The following KIRREL1 variants were observed in gnomAD, a reference collection of about 807,000 sequenced individuals.
The protein encoded by KIRREL1 is kin of IRRE-like protein 1.
Under a neutral mutation model 83.3 loss-of-function variants are expected in KIRREL1, and 25 were observed. That is an observed-to-expected ratio of 0.30 (90% CI 0.22 to 0.42). The LOEUF (loss-of-function observed/expected upper bound fraction) is 0.42. KIRREL1 is among the 10% of genes least tolerant of loss of function. The pLI, the probability that KIRREL1 is intolerant of heterozygous loss-of-function variation, is 1.00. For synonymous variants in KIRREL1, 388 were observed against 410.4 expected, an observed-to-expected ratio of 0.95 and a Z score of 0.66; for missense variants, 812 against 1,032.3, an observed-to-expected ratio of 0.79 and a Z score of 2.92.
chr1:158,091,239 T>C, intron 10 of KIRREL1, 119 bp from the exon 11 acceptor site: 1 of 871,300 alleles, frequency 1.1e-6, no homozygotes, highest in South Asian at 1.7e-5. Context: ...AGGCTGGGCT[T>C]GTGGGGCACA....
chr1:158,017,294 C>G (rs1659854776), intron 1 of KIRREL1, among the ~76,000 whole-genome samples: 1 of 152,158 alleles, frequency 6.6e-6, no homozygotes, highest in African/African-American at 2.4e-5. Context: ...CTTTCTAGCC[C>G]TTCTTAGTTT....
intron 1 of KIRREL1, 74 bp downstream of exon 1, chr1:157,993,802 G>A (rs1231213487): frequency 4.0e-6 from 4 of 998,658 alleles, no homozygotes; most frequent in Non-Finnish European, 5.6e-6. Context: ...CGGTGGGAGA[G>A]TGCTGGAGTG....
At chr1:158,063,864 C>A (rs895152506) in intron 1 of KIRREL1, among the ~76,000 whole-genome samples, 4 of 152,168 alleles carry the variant, frequency 2.6e-5, no homozygotes, top group Admixed American at 2.6e-4. Flanking sequence ...TGGCCGCTGT[C>A]GCACTGTATG....
chr1:157,997,129 G>A (rs1659228110), intron 1 of KIRREL1, among the ~76,000 whole-genome samples: 2 of 152,214 alleles, frequency 1.3e-5, no homozygotes, highest in African/African-American at 4.8e-5. Flanking sequence ...GATTTGATGA[G>A]CGCGCTGCAG....
In KIRREL1 at chr1:158,006,832, A is replaced by G. The variant is rs147480478; in HGVS notation, c.52+13104A>G. Among the ~76,000 whole-genome samples, 19 of 152,324 alleles carry G rather than the reference A, an allele frequency of 1.2e-4. 1 individual carries two copies. Among genetic ancestry groups the G allele is most frequent in the African/African-American group, 4.3e-4 (18 of 41,586 alleles). ...TGCTGCTGAAGCCAGCATGTAGGAAAGTGGGCATGGGGGTGATGGCAGAGG... is the reference window on the plus strand; with the variant it reads ...TGCTGCTGAAGCCAGCATGTAGGAAGGTGGGCATGGGGGTGATGGCAGAGG... On this transcript the variant is annotated intron_variant, in intron 1 of 14. Transcript: ENST00000359209.
chr1:158,006,494 G>A (rs1253928874), intron 1 of KIRREL1, among the ~76,000 whole-genome samples: 2 of 152,244 alleles, frequency 1.3e-5, no homozygotes, highest in Non-Finnish European at 2.9e-5. Flanking sequence ...CAAGCCCAGA[G>A]AGGTCATAGG....
intron 1 of KIRREL1, among the ~76,000 whole-genome samples, chr1:158,019,464 A>T (rs1161402273): frequency 1.3e-5 from 2 of 151,998 alleles, no homozygotes; most frequent in African/African-American, 4.8e-5. Flanking sequence ...GGTGATTGAG[A>T]GGGGGAGGTA....
chr1:158,024,406 G>A (rs773895187), intron 1 of KIRREL1, among the ~76,000 whole-genome samples: 3 of 150,434 alleles, frequency 2.0e-5, no homozygotes, highest in African/African-American at 7.4e-5. Flanking sequence ...GACCTCCCTA[G>A]TAGCTGGGAC....
chr1:158,032,611 G>A (rs1214546171), intron 1 of KIRREL1, among the ~76,000 whole-genome samples: 1 of 152,174 alleles, frequency 6.6e-6, no homozygotes, highest in East Asian at 1.9e-4. Context: ...AGGTCTCCCT[G>A]CAGGTCTGAG....
At chr1:157,998,205 T>A (rs1019451232) in intron 1 of KIRREL1, among the ~76,000 whole-genome samples, 1 of 152,152 alleles carries the variant, frequency 6.6e-6, no homozygotes, top group African/African-American at 2.4e-5. Context: ...AGTATCTTAT[T>A]GGTAGTTGTA....
chr1:158,055,431 G>A (rs561588498), intron 1 of KIRREL1, among the ~76,000 whole-genome samples: 1 of 152,170 alleles, frequency 6.6e-6, no homozygotes, highest in Admixed American at 6.5e-5. Flanking sequence ...TGGCAGGTGT[G>A]GGGGACTCGA....
intron 4 of KIRREL1, among the ~76,000 whole-genome samples, chr1:158,085,576 A>T (rs1261937773): frequency 6.6e-6 from 1 of 152,214 alleles, no homozygotes; most frequent in Non-Finnish European, 1.5e-5. Context: ...TCCATTTGTC[A>T]TCTACCCCCA....
chr1:158,077,651 C>T (rs530995691), intron 2 of KIRREL1, among the ~76,000 whole-genome samples: 1 of 152,354 alleles, frequency 6.6e-6, no homozygotes, highest in East Asian at 1.9e-4. Flanking sequence ...CACACACTCG[C>T]TCTCCCTCTC....
intron 1 of KIRREL1, among the ~76,000 whole-genome samples, chr1:158,021,055 T>G (rs1659992100): frequency 6.6e-6 from 1 of 152,082 alleles, no homozygotes; most frequent in Non-Finnish European, 1.5e-5. Context: ...GCACTTAGAG[T>G]TGATGGTCCC....
chr1:157,999,328 C>T (rs946577456), intron 1 of KIRREL1, among the ~76,000 whole-genome samples: 4 of 152,172 alleles, frequency 2.6e-5, no homozygotes, highest in Admixed American at 6.5e-5. Context: ...TTTCCTCCCA[C>T]GTTTAGAGTC....
chr1:158,042,144 C>T (rs1408549618), intron 1 of KIRREL1, among the ~76,000 whole-genome samples: 1 of 151,934 alleles, frequency 6.6e-6, no homozygotes, highest in African/African-American at 2.4e-5. Context: ...AGGAAGAGAG[C>T]TCCTCCAACA....
intron 1 of KIRREL1, among the ~76,000 whole-genome samples, chr1:158,021,707 A>G (rs1238120168): frequency 6.6e-6 from 1 of 152,030 alleles, no homozygotes; most frequent in African/African-American, 2.4e-5. Context: ...TTTCCTGGGA[A>G]AGACTGAATA....
intron 1 of KIRREL1, among the ~76,000 whole-genome samples, chr1:158,020,905 T>A (rs1288189543): frequency 1.3e-5 from 2 of 152,194 alleles, no homozygotes; most frequent in African/African-American, 2.4e-5. Context: ...AACTGAGACA[T>A]AAACGTTTTC....
chr1:158,013,050 GA>G (rs914853742), intron 1 of KIRREL1, among the ~76,000 whole-genome samples: 1 of 152,110 alleles, frequency 6.6e-6, no homozygotes, highest in Non-Finnish European at 1.5e-5. Context: ...CCCCAAGTGA[GA>G]ACCACTGAGC....
Sources: allele counts gnomAD v4.1 joint callset (sites outside exome capture counted in the v4.1 genomes callset), GRCh38; gene constraint gnomAD v4.1.1; transcripts MANE v1.5; gene names NCBI Gene and HGNC (gene_info 2026-07-23, HGNC 2026-07-21).